MYO18B: variants seen among roughly 807,000 people sequenced by gnomAD.
MYO18B encodes myosin XVIIIB, also known as unconventional myosin-XVIIIb.
In MYO18B, 204 loss-of-function variants were observed where a neutral mutation model predicts 273.0. The ratio of observed to expected loss-of-function variants is 0.75; its 90% CI spans 0.67 to 0.84. The LOEUF (loss-of-function observed/expected upper bound fraction) is 0.84, where lower values mean the gene tolerates loss of function less well. Among genes scored for constraint, MYO18B ranks in the 40% least tolerant of loss-of-function variants. The probability of loss-of-function intolerance (pLI) is 0.00; values close to 1 mark genes in which losing one functional copy is unlikely to be tolerated. For synonymous variants in MYO18B, 1,330 were observed against 1,305.7 expected, an observed-to-expected ratio of 1.02 and a Z score of -0.40; for missense variants, 3,212 against 3,287.6, an observed-to-expected ratio of 0.98 and a Z score of 0.56.
the MYO18B span, among the ~76,000 whole-genome samples, chr22:26,061,086 C>CT: frequency 7.2e-6 from 1 of 138,326 alleles, no homozygotes; most frequent in Non-Finnish European, 1.5e-5. Context: ...CTACTGTTGG[C>CT]TTGGCCCCCT....
intron 28 of MYO18B, 192 bp downstream of exon 28, chr22:25,895,472 A>C: frequency 1.6e-6 from 1 of 608,796 alleles, no homozygotes; most frequent in Non-Finnish European, 2.8e-6. Context: ...TTGTCTGTAC[A>C]TGTGGATCTT....
intron 21 of MYO18B, among the ~76,000 whole-genome samples, chr22:25,853,563 C>G (rs1446443106): frequency 6.6e-6 from 1 of 152,174 alleles, no homozygotes; most frequent in Non-Finnish European, 1.5e-5. Context: ...TATTCTTGGT[C>G]TCTGAAAATT....
rs1306069007 is a variant in MYO18B at position 25,898,397 on chromosome 22, G to T, written c.4759G>T (p.Asp1587Tyr). 6.2e-7 allele frequency: 1 copy of T among 1,613,834 alleles called. No homozygotes were observed. Among genetic ancestry groups the T allele is most frequent in the East Asian group, 2.2e-5 (1 of 44,886 alleles). ...KCHHLTCDLEDTCVLLENQQS... is the reference protein window; with the variant it reads ...KCHHLTCDLEYTCVLLENQQS... ...CCACCATCTTACCTGTGACCTTGAG[G>T]ATACCTGCGTCCTGCTAGAGAACCA... The change falls in exon 29 of 44, where the codon GAT becomes TAT. Residue 1587 changes from aspartate to tyrosine, a missense_variant. Physicochemically the swap from Asp to Tyr is radical, Grantham distance 160 (BLOSUM62 -3). Transcript: ENST00000335473.
In MYO18B at chr22:25,960,425, C is replaced by T. The variant is rs532951672; in HGVS notation, c.6156+5061C>T. On this transcript the variant is annotated intron_variant, in intron 39 of 43. Transcript: ENST00000335473. Reference sequence around the variant, plus strand: ...AGGCCTGACTTCGGCCTACCAGGTGCACCTATTTCAGAGGCTGCACCTGTT... The same window carrying T: ...AGGCCTGACTTCGGCCTACCAGGTGTACCTATTTCAGAGGCTGCACCTGTT... Among the ~76,000 whole-genome samples, 102 of 152,180 alleles carry T rather than the reference C, an allele frequency of 6.7e-4. 1 individual carries two copies. The highest frequency in any genetic ancestry group is 1.3e-3 in the Non-Finnish European group (86 of 68,024).
At chr22:25,870,479 A>T (rs1023932016) in intron 22 of MYO18B, among the ~76,000 whole-genome samples, 4 of 152,242 alleles carry the variant, frequency 2.6e-5, no homozygotes, top group African/African-American at 9.6e-5. Context: ...TTAAACACAG[A>T]AAAAGTAGAG....
rs373907389 is a variant in MYO18B at position 25,868,376 on chromosome 22, G to A, written c.3942G>A (p.Gly1314=). 7.3e-5 allele frequency: 116 copies of A among 1,597,252 alleles called. No homozygotes were observed. The East Asian group carries it at 1.2e-3, about 16-fold the overall frequency. Residue 1314 remains glycine (G), a synonymous_variant, in exon 22 of 44, where the codon GGG becomes GGA. Coordinates refer to ENST00000335473, the MANE Select transcript of MYO18B (RefSeq NM_032608.7). ...TGGAAAAGAAGGCGGTGGCTGTGGG[G>A]CACAGCCAAGTGAGTAGAGCTGCTT... ...LDLEKKAVAV[G]HSQVFLKAGV...
chr22:25,965,635 C>G (rs780765994), intron 39 of MYO18B, among the ~76,000 whole-genome samples: 1 of 152,198 alleles, frequency 6.6e-6, no homozygotes, highest in African/African-American at 2.4e-5. Flanking sequence ...TTGCACCATA[C>G]AGGTACAAAA....
At chr22:25,814,291 G>A (rs893170089) in intron 12 of MYO18B, among the ~76,000 whole-genome samples, 15 of 84,624 alleles carry the variant, frequency 1.8e-4, no homozygotes, top group Non-Finnish European at 3.2e-4. Flanking sequence ...CCCAGGCACC[G>A]TTCTTTTTTT....
At chr22:25,854,888 T>G (rs986781280) in intron 21 of MYO18B, among the ~76,000 whole-genome samples, 1 of 152,346 alleles carries the variant, frequency 6.6e-6, no homozygotes, top group Admixed American at 6.5e-5. Context: ...GATGTATACC[T>G]TATTTTACCT....
At chr22:26,056,793 T>C in the MYO18B span, among the ~76,000 whole-genome samples, 2 of 152,194 alleles carry the variant, frequency 1.3e-5, no homozygotes. Context: ...TTTGGTGACA[T>C]GCACATTCAA....
At chr22:26,003,033 G>C (rs1934104679) in intron 40 of MYO18B, among the ~76,000 whole-genome samples, 2 of 152,150 alleles carry the variant, frequency 1.3e-5, no homozygotes, top group African/African-American at 4.8e-5. Context: ...ACCATGCTGA[G>C]ATCTTCACAA....
the MYO18B span, among the ~76,000 whole-genome samples, chr22:26,037,656 G>A: frequency 1.3e-5 from 2 of 152,270 alleles, no homozygotes; most frequent in East Asian, 1.9e-4. Flanking sequence ...AATCTCAAGC[G>A]ACCTACCTCA....
chr22:26,019,731 A>G (rs1935659707), intron 42 of MYO18B, among the ~76,000 whole-genome samples: 1 of 152,182 alleles, frequency 6.6e-6, no homozygotes, highest in African/African-American at 2.4e-5. Context: ...CAGGGAGTGG[A>G]TGAAGAACGG....
At chr22:25,964,017 G>C (rs140768718) in intron 39 of MYO18B, 17 of 152,278 alleles carry the variant, frequency 1.1e-4, no homozygotes, top group Non-Finnish European at 1.8e-4. Flanking sequence ...TATACTGTAT[G>C]GTGGGTACTG....
intron 38 of MYO18B, among the ~76,000 whole-genome samples, chr22:25,954,216 T>C (rs1434778276): frequency 6.6e-6 from 1 of 152,124 alleles, no homozygotes; most frequent in Non-Finnish European, 1.5e-5. Flanking sequence ...GCCAAAGCAC[T>C]TTTCTCTCTA....
Position 25,950,452 on chromosome 22 carries a change from T to C in MYO18B, c.5832+2T>C. 1 of 1,597,798 alleles carries C rather than the reference T, an allele frequency of 6.3e-7. No homozygotes were observed. The highest frequency in any genetic ancestry group is 8.5e-7 in the Non-Finnish European group (1 of 1,172,182). On this transcript the variant is annotated splice_donor_variant, in intron 37 of 43. Transcript: ENST00000335473. LOFTEE classifies it high-confidence loss of function. Reference sequence around the variant, plus strand: ...GAGAAGCACAAGCTACAAGAACAAGTATGTGCTCAGAGCCATCCTATAGTT... The same window carrying C: ...GAGAAGCACAAGCTACAAGAACAAGCATGTGCTCAGAGCCATCCTATAGTT...
downstream of MYO18B, among the ~76,000 whole-genome samples, chr22:26,032,423 C>T (rs1936687128): frequency 6.6e-6 from 1 of 151,906 alleles, no homozygotes. Context: ...GTGGCTGCAC[C>T]TCTGGCGTCT....
chr22:25,867,551 C>G (rs1045299497), intron 21 of MYO18B, among the ~76,000 whole-genome samples: 5 of 152,216 alleles, frequency 3.3e-5, no homozygotes, highest in African/African-American at 2.4e-5. Context: ...TGGGTTGCTT[C>G]CACATTTTGG....
At chr22:25,874,186 AG>A in intron 22 of MYO18B, 99 bp from the exon 23 acceptor site, 1 of 1,407,654 alleles carries the variant, frequency 7.1e-7, no homozygotes, top group Non-Finnish European at 9.8e-7. Context: ...CAAATATTGC[AG>A]GTGGGTGCAA....
Sources: gnomAD v4.1 joint callset for allele counts (sites outside exome capture counted in the v4.1 genomes callset) on GRCh38, gnomAD v4.1.1 for gene constraint, MANE v1.5 for transcripts, NCBI Gene and HGNC (gene_info 2026-07-23, HGNC 2026-07-21) for gene names.